The following SIPA1L1 variants were observed in gnomAD, a reference collection of about 807,000 sequenced individuals.
SIPA1L1 encodes the protein signal induced proliferation associated 1 like 1.
A neutral mutation model predicts 162.7 loss-of-function variants in SIPA1L1; 26 were observed. That is an observed-to-expected ratio of 0.16 (90% confidence interval 0.12 to 0.22). SIPA1L1 has a LOEUF of 0.22. Ranked by LOEUF, SIPA1L1 falls within the 10% of genes least tolerant of loss-of-function variation. The probability of loss-of-function intolerance (pLI) is 1.00; values close to 1 mark genes in which losing one functional copy is unlikely to be tolerated. For missense variants in SIPA1L1, 1,874 were observed against 2,241.0 expected, an observed-to-expected ratio of 0.84 and a Z score of 3.31; for synonymous variants, 829 against 837.4, an observed-to-expected ratio of 0.99 and a Z score of 0.17.
At chr14:71,419,752 C>T (rs543715377) in intron 2 of SIPA1L1, among the ~76,000 whole-genome samples, 1 of 152,074 alleles carries the variant, frequency 6.6e-6, no homozygotes, top group Non-Finnish European at 1.5e-5. Context: ...CTGCCTCGGC[C>T]TCCCAAAGTG....
chr14:71,495,188 C>T (rs1313040644), intron 2 of SIPA1L1, among the ~76,000 whole-genome samples: 3 of 152,060 alleles, frequency 2.0e-5, no homozygotes, highest in African/African-American at 4.8e-5. Context: ...TAGAAGAGTT[C>T]GTGAAGAATT....
intron 2 of SIPA1L1, among the ~76,000 whole-genome samples, chr14:71,440,416 G>T (rs1055604347): frequency 6.6e-6 from 1 of 152,018 alleles, no homozygotes. Context: ...ATTTTGGGCA[G>T]CCGAGGCAGG....
intron 2 of SIPA1L1, among the ~76,000 whole-genome samples, chr14:71,499,991 AT>A (rs1481209724): frequency 1.3e-5 from 2 of 152,222 alleles, no homozygotes; most frequent in African/African-American, 4.8e-5. Flanking sequence ...TTTGTTAGAA[AT>A]TAAAATCTTT....
intron 2 of SIPA1L1, among the ~76,000 whole-genome samples, chr14:71,387,027 TC>T (rs975407266): frequency 5.3e-5 from 8 of 152,124 alleles, no homozygotes; most frequent in African/African-American, 1.7e-4. Context: ...GGCAGGCAGA[TC>T]ACCTGAGGTC....
chr14:71,617,027 CA>C (rs1233355142), intron 5 of SIPA1L1, among the ~76,000 whole-genome samples: 2 of 152,168 alleles, frequency 1.3e-5, no homozygotes, highest in East Asian at 3.8e-4. Context: ...CACTCTGATG[CA>C]TCTACTGTTG....
At chr14:71,428,552 A>G (rs575153040) in intron 2 of SIPA1L1, among the ~76,000 whole-genome samples, 1 of 152,156 alleles carries the variant, frequency 6.6e-6, no homozygotes, top group Non-Finnish European at 1.5e-5. Flanking sequence ...TTGCTTTTGA[A>G]TGGCCTAGTC....
At chr14:71,326,098 AT>A (rs1395386173) in intron 2 of SIPA1L1, among the ~76,000 whole-genome samples, 1 of 152,168 alleles carries the variant, frequency 6.6e-6, no homozygotes. Context: ...TTTCACAGAT[AT>A]GAAAGTTAAT....
At chr14:71,441,888 A>G (rs930846782) in intron 2 of SIPA1L1, among the ~76,000 whole-genome samples, 1 of 152,020 alleles carries the variant, frequency 6.6e-6, no homozygotes, top group Non-Finnish European at 1.5e-5. Flanking sequence ...CTTAAAATGT[A>G]TGGCCAGGTG....
chr14:71,373,361 G>T (rs933336199), intron 2 of SIPA1L1, among the ~76,000 whole-genome samples: 1 of 150,350 alleles, frequency 6.7e-6, no homozygotes, highest in East Asian at 2.0e-4. Flanking sequence ...GGTAGCTCAC[G>T]CCTGTAATCC....
At chr14:71,340,878 G>A (rs1030186849) in intron 2 of SIPA1L1, among the ~76,000 whole-genome samples, 5 of 152,238 alleles carry the variant, frequency 3.3e-5, no homozygotes, top group Non-Finnish European at 7.3e-5. Context: ...GGCAGAGGCT[G>A]CAGTGAGCTG....
intron 2 of SIPA1L1, among the ~76,000 whole-genome samples, chr14:71,386,056 C>T (rs2040296666): frequency 6.6e-6 from 1 of 152,076 alleles, no homozygotes; most frequent in African/African-American, 2.4e-5. Context: ...TGTACTAGTG[C>T]CATTTCAAAT....
At chr14:71,587,369 A>G (rs1366952965) in intron 4 of SIPA1L1, among the ~76,000 whole-genome samples, 2 of 149,632 alleles carry the variant, frequency 1.3e-5, no homozygotes, top group Non-Finnish European at 3.0e-5. Flanking sequence ...TTTTTTTTTT[A>G]GAATATAAAT....
chr14:71,646,399 A>G (rs1237529710), intron 7 of SIPA1L1, among the ~76,000 whole-genome samples: 1 of 152,110 alleles, frequency 6.6e-6, no homozygotes, highest in Non-Finnish European at 1.5e-5. Flanking sequence ...GATGCTCTCA[A>G]TCTCCTGACC....
intron 4 of SIPA1L1, among the ~76,000 whole-genome samples, chr14:71,582,521 C>T (rs1177819321): frequency 2.6e-5 from 4 of 152,046 alleles, no homozygotes; most frequent in African/African-American, 7.2e-5. Flanking sequence ...TTTTTAGCTA[C>T]GAGGGTGAGT....
intron 2 of SIPA1L1, among the ~76,000 whole-genome samples, chr14:71,337,817 A>G (rs2035250624): frequency 6.6e-6 from 1 of 152,088 alleles, no homozygotes; most frequent in Non-Finnish European, 1.5e-5. Flanking sequence ...ATGGTGATGC[A>G]TGCCTGTAGT....
At chr14:71,701,625 A>T (rs1457565001) in intron 14 of SIPA1L1, among the ~76,000 whole-genome samples, 2 of 152,178 alleles carry the variant, frequency 1.3e-5, no homozygotes, top group South Asian at 2.1e-4. Flanking sequence ...GCACTTTTTC[A>T]TGGGCTCAGT....
chr14:71,680,112 A>G (rs1053181705), intron 12 of SIPA1L1, among the ~76,000 whole-genome samples: 1 of 152,258 alleles, frequency 6.6e-6, no homozygotes, highest in Non-Finnish European at 1.5e-5. Context: ...CCCAAAATCA[A>G]CAGAATATAC....
chr14:71,526,293 G>A (rs1406041909), intron 3 of SIPA1L1, among the ~76,000 whole-genome samples: 1 of 152,054 alleles, frequency 6.6e-6, no homozygotes, highest in Non-Finnish European at 1.5e-5. Flanking sequence ...ACTCAAATCA[G>A]GGAATCTAAT....
chr14:71,638,681 G>T (rs2041408229), intron 7 of SIPA1L1, among the ~76,000 whole-genome samples: 1 of 152,152 alleles, frequency 6.6e-6, no homozygotes, highest in Non-Finnish European at 1.5e-5. Flanking sequence ...AAAAGAAAAG[G>T]CATGTAGACG....
Sources: gnomAD v4.1 joint callset for allele counts (sites outside exome capture counted in the v4.1 genomes callset) on GRCh38, gnomAD v4.1.1 for gene constraint, MANE v1.5 for transcripts, NCBI Gene and HGNC (gene_info 2026-07-23, HGNC 2026-07-21) for gene names.